The following ZDBF2 variants were observed in gnomAD, a reference collection of about 807,000 sequenced individuals.
ZDBF2 encodes DBF4-type zinc finger-containing protein 2.
ZDBF2 carries 6 observed loss-of-function variants against 9.4 expected under a neutral mutation model. That is an observed-to-expected ratio of 0.64 (90% CI 0.35 to 1.27). The LOEUF (loss-of-function observed/expected upper bound fraction) is 1.27, where lower values mean the gene tolerates loss of function less well. Ranked by LOEUF, ZDBF2 falls within the 50% of genes most tolerant of loss-of-function variation. The pLI is 0.03. For missense variants in ZDBF2, 2,697 were observed against 2,766.8 expected, an observed-to-expected ratio of 0.97 and a Z score of 0.57; for synonymous variants, 905 against 946.3, an observed-to-expected ratio of 0.96 and a Z score of 0.80.
rs1693264294 is a variant in ZDBF2, at chr2:206,312,982, T to TAAA, written c.*1390_*1391insAAA. ...ATACTCAGAATAGATCCAGAACCTT[T>TAAA]ATTCAGGGACACTGGTTGAGTTGGT... is the stretch of plus-strand genomic sequence containing the variant. On this transcript the variant is annotated 3_prime_UTR_variant, in exon 5 of 5. Coordinates refer to ENST00000374423, the MANE Select transcript of ZDBF2 (RefSeq NM_020923.3). 6.6e-6 allele frequency: 1 copy of TAAA among 152,202 alleles called. No individual in the cohort carries two copies. 9.4% of individuals were successfully genotyped at this position (152,202 alleles called of 1,614,324 possible). A position where few individuals can be genotyped will look rare whatever the true frequency, so the allele number is the denominator to read the frequency against.
In ZDBF2 at chr2:206,305,076, T is replaced by C. The variant is rs1692703589; in HGVS notation, c.548T>C (p.Ile183Thr). The C allele has an allele frequency of 1.9e-6, 3 of 1,613,852 alleles. No homozygotes were observed. Among genetic ancestry groups the C allele is most frequent in the Non-Finnish European group, 2.5e-6 (3 of 1,179,812 alleles). ...NRSNLVRPPV[I>T]CNAPASCLPE... Reference sequence around the variant, plus strand: ...AGCAACTTGGTACGCCCCCCAGTGATTTGTAATGCTCCTGCTAGTTGTTTA... The same window carrying C: ...AGCAACTTGGTACGCCCCCCAGTGACTTGTAATGCTCCTGCTAGTTGTTTA... Residue 183 changes from isoleucine (I) to threonine (T), a missense_variant, in exon 5 of 5, where the codon ATT becomes ACT. Coordinates refer to ENST00000374423, the MANE Select transcript of ZDBF2 (RefSeq NM_020923.3).
chr2:206,306,752 A>G lies in ZDBF2; in HGVS notation c.2224A>G (p.Ser742Gly). The G allele has an allele frequency of 6.2e-7, 1 of 1,613,804 alleles. No individual in the cohort carries two copies. Among genetic ancestry groups the G allele is most frequent in the Non-Finnish European group, 8.5e-7 (1 of 1,179,792 alleles). Residue 742 changes from serine to glycine, a missense_variant, in exon 5 of 5, where the codon AGC (serine) becomes GGC (glycine). By Grantham distance (56) the Ser-to-Gly change is moderately conservative (BLOSUM62 0). This residue lies in a region of ZDBF2 where 910 missense variants were observed against 973.6 expected (regional missense o/e 0.93). Coordinates refer to ENST00000374423, the MANE Select transcript of ZDBF2 (RefSeq NM_020923.3). ...KELNIDMEVR[S>G]YDCSSSELTF... is the part of the protein sequence containing the mutation. ...GTTAAATATTGACATGGAAGTTAGG[A>G]GCTATGATTGCTCCAGCTCTGAGTT... is the stretch of plus-strand genomic sequence containing the variant.
Position 206,306,160 on chromosome 2 carries a change from C to G in ZDBF2, c.1632C>G (p.Phe544Leu). Residue 544 changes from phenylalanine to leucine, a missense_variant, in exon 5 of 5, where the codon TTC becomes TTG. Physicochemically the swap from Phe to Leu is conservative, Grantham distance 22. Transcript: ENST00000374423. The stretch of plus-strand genomic sequence containing the variant: ...CTGAAGTAAGTGCTGATTCTGTTTT[C>G]CCACTGCAGTCAGTGGTTGACAGAC... Reference protein sequence around the residue: ...SSSEVSADSVFPLQSVVDRPP... With the variant: ...SSSEVSADSVLPLQSVVDRPP... 6.2e-7 allele frequency: 1 copy of G among 1,613,734 alleles called. No individual in the cohort carries two copies. Among genetic ancestry groups the G allele is most frequent in the Non-Finnish European group, 8.5e-7 (1 of 1,179,800 alleles).
chr2:206,297,900 C>T (rs774441182), intron 4 of ZDBF2, among the ~76,000 whole-genome samples: 2 of 152,106 alleles, frequency 1.3e-5, no homozygotes, highest in Non-Finnish European at 2.9e-5. Context: ...AGGCTGGTCT[C>T]GAATTCCCGA....
At position 206,309,272 on chromosome 2, in the gene ZDBF2, G is replaced by A. The variant is rs1035286530; in HGVS notation, c.4744G>A (p.Val1582Ile). 6.2e-7 allele frequency: 1 copy of A among 1,611,386 alleles called. No individual in the cohort carries two copies. Among genetic ancestry groups the A allele is most frequent in the Non-Finnish European group, 8.5e-7 (1 of 1,178,716 alleles). Reference protein sequence around the residue: ...DKSCDFFGSEVRCNCKASTPS... With the variant: ...DKSCDFFGSEIRCNCKASTPS... ...GAGCTGTGACTTTTTTGGTTCTGAA[G>A]TCAGATGTAATTGTAAAGCCTCTAC... The change falls in exon 5 of 5, where the codon GTC becomes ATC. Residue 1582 changes from valine to isoleucine, a missense_variant. Val to Ile is a conservative substitution (Grantham distance 29). Coordinates refer to ENST00000374423, the MANE Select transcript of ZDBF2 (RefSeq NM_020923.3).
Position 206,305,384 on chromosome 2 carries a change from T to G in ZDBF2, c.856T>G (p.Leu286Val). 3.1e-6 allele frequency: 5 copies of G among 1,613,316 alleles called. No homozygotes were observed. The highest frequency in any genetic ancestry group is 2.5e-6 in the Non-Finnish European group (3 of 1,179,578). The change falls in exon 5 of 5, where the codon TTG becomes GTG. Residue 286 changes from leucine to valine, a missense_variant. Leu to Val is a conservative substitution (Grantham distance 32). Around this residue, in one of 3 missense-constraint regions of ZDBF2, gnomAD observed 910 missense variants for 973.6 expected, o/e 0.93. Transcript: ENST00000374423. ...KSQGKTLSAG[L>V]KFHERMGTKG... ...TCAGGGTAAAACTTTATCAGCTGGCTTGAAATTCCATGAACGCATGGGTAC... is the reference window on the plus strand; with the variant it reads ...TCAGGGTAAAACTTTATCAGCTGGCGTGAAATTCCATGAACGCATGGGTAC...
intron 2 of ZDBF2, among the ~76,000 whole-genome samples, chr2:206,281,184 A>T (rs1691298616): frequency 6.6e-6 from 1 of 152,182 alleles, no homozygotes; most frequent in African/African-American, 2.4e-5. Context: ...TTTGTAGAGA[A>T]ATCTAAACAG....
In ZDBF2 at chr2:206,308,473, T is replaced by C. The variant is rs920258637; in HGVS notation, c.3945T>C (p.Val1315=). The change falls in exon 5 of 5, where the codon GTT becomes GTC. Residue 1315 remains valine (V), a synonymous_variant. Coordinates refer to ENST00000374423, the MANE Select transcript of ZDBF2 (RefSeq NM_020923.3). Reference sequence around the variant, plus strand: ...TAAATCTTTTGAGGGAGGAACATGTTTGTCTGGATGATAAGGGCTATGTGC... The same window carrying C: ...TAAATCTTTTGAGGGAGGAACATGTCTGTCTGGATGATAAGGGCTATGTGC... ...KEINLLREEH[V]CLDDKGYVPS... 3.1e-6 allele frequency: 5 copies of C among 1,613,708 alleles called. No individual in the cohort carries two copies. Among genetic ancestry groups the C allele is most frequent in the Non-Finnish European group, 4.2e-6 (5 of 1,179,796 alleles).
intron 1 of ZDBF2, 120 bp from the exon 2 acceptor site, chr2:206,279,420 A>AT (rs1343160274): frequency 6.6e-6 from 1 of 152,008 alleles, no homozygotes; most frequent in Non-Finnish European, 1.5e-5. Flanking sequence ...CAAAGTTAAT[A>AT]TTTTTTCTTA....
Position 206,305,625 on chromosome 2 carries a change from T to C in ZDBF2, c.1097T>C (p.Phe366Ser). ...QKCSVSSEMK[F>S]DCISLQSASD... ...TGCTCAGTGAGTTCTGAAATGAAGTTTGATTGTATCTCTCTTCAGTCAGCA... is the reference window on the plus strand; with the variant it reads ...TGCTCAGTGAGTTCTGAAATGAAGTCTGATTGTATCTCTCTTCAGTCAGCA... Residue 366 changes from phenylalanine to serine, a missense_variant, in exon 5 of 5, where the codon TTT (phenylalanine) becomes TCT (serine). By Grantham distance (155) the Phe-to-Ser change is radical (BLOSUM62 -2). Coordinates refer to ENST00000374423, the MANE Select transcript of ZDBF2 (RefSeq NM_020923.3). 5 of 1,613,802 alleles carry C rather than the reference T, an allele frequency of 3.1e-6. No individual in the cohort carries two copies. The highest frequency in any genetic ancestry group is 4.2e-6 in the Non-Finnish European group (5 of 1,179,814).
rs774366644 is a variant in ZDBF2 at position 206,306,572 on chromosome 2, G to T, written c.2044G>T (p.Val682Leu). ...TGCTCAATTAGCTGACCAGTCTCAAGTAGCCGAAATAGAGCGTCAGAAAGT... is the reference window on the plus strand; with the variant it reads ...TGCTCAATTAGCTGACCAGTCTCAATTAGCCGAAATAGAGCGTCAGAAAGT... ...ADAQLADQSQVAEIERQKVDV... is the reference protein window; with the variant it reads ...ADAQLADQSQLAEIERQKVDV... The change falls in exon 5 of 5, where the codon GTA becomes TTA. Residue 682 changes from valine to leucine, a missense_variant. Physicochemically the swap from Val to Leu is conservative, Grantham distance 32 (BLOSUM62 1). Around this residue, in one of 3 missense-constraint regions of ZDBF2, gnomAD observed 910 missense variants for 973.6 expected, o/e 0.93. Transcript: ENST00000374423. The T allele has an allele frequency of 2.5e-6, 4 of 1,613,658 alleles. No homozygotes were observed. The highest frequency in any genetic ancestry group is 3.4e-6 in the Non-Finnish European group (4 of 1,179,760).
rs1330790711 is a variant in ZDBF2, at chr2:206,309,548, C to T, written c.5020C>T (p.His1674Tyr). 5 of 1,613,882 alleles carry T rather than the reference C, an allele frequency of 3.1e-6. No homozygotes were observed. The highest frequency in any genetic ancestry group is 3.4e-6 in the Non-Finnish European group (4 of 1,179,912). Residue 1674 changes from histidine to tyrosine, a missense_variant, in exon 5 of 5, where the codon CAT (histidine) becomes TAT (tyrosine). This residue lies in a region of ZDBF2 where 1,783 missense variants were observed against 1,776.5 expected (regional missense o/e 1.00). Coordinates refer to ENST00000374423, the MANE Select transcript of ZDBF2 (RefSeq NM_020923.3). ...KGKFNLEDTS[H>Y]RTTHRLQKAH... ...AAAATTTAATTTGGAAGACACTTCT[C>T]ATCGAACGACTCACCGACTGCAGAA...
rs1314163387 is a variant in ZDBF2 at position 206,306,285 on chromosome 2, A to G, written c.1757A>G (p.Asp586Gly). The change falls in exon 5 of 5, where the codon GAT (aspartate) becomes GGT (glycine). Residue 586 changes from aspartate to glycine, a missense_variant. Transcript: ENST00000374423. The stretch of plus-strand genomic sequence containing the variant: ...TGTTCTGAAACAAGTTTTGATTGTG[A>G]TGTTTCTCTTGAGTCAGTAGTTGAT... ...SSCSETSFDC[D>G]VSLESVVDHP... 4 of 1,613,536 alleles carry G rather than the reference A, an allele frequency of 2.5e-6. No homozygotes were observed. In the East Asian group the frequency reaches 6.7e-5, roughly 27 times the overall value.
rs2105787536 is a variant in ZDBF2 at position 206,312,965 on chromosome 2, A to G, written c.*1372A>G. 1.3e-5 allele frequency: 2 copies of G among 152,350 alleles called. No individual in the cohort carries two copies. The highest frequency in any genetic ancestry group is 6.8e-3 in the Middle Eastern group (2 of 294). The allele number at this position is 152,350 out of a possible 1,614,324, so 9.4% of individuals were successfully genotyped here. ...TGCAGTTTGAGTCTGGGATACTCAG[A>G]ATAGATCCAGAACCTTTATTCAGGG... On this transcript the variant is annotated 3_prime_UTR_variant, in exon 5 of 5. Coordinates refer to ENST00000374423, the MANE Select transcript of ZDBF2 (RefSeq NM_020923.3).
chr2:206,279,344 C>T (rs1191089454), intron 1 of ZDBF2, among the ~76,000 whole-genome samples, 196 bp from the exon 2 acceptor site: 1 of 152,026 alleles, frequency 6.6e-6, no homozygotes, highest in Non-Finnish European at 1.5e-5. Flanking sequence ...ACAGTCACTG[C>T]GCCAGAACTT....
At chr2:206,291,820 T>C (rs1225251106) in intron 3 of ZDBF2, among the ~76,000 whole-genome samples, 2 of 152,164 alleles carry the variant, frequency 1.3e-5, no homozygotes, top group Admixed American at 1.3e-4. Flanking sequence ...TTTCAAGGCT[T>C]TGGAGAACTG....
At chr2:206,276,458 C>T (rs1034019902) in intron 1 of ZDBF2, among the ~76,000 whole-genome samples, 2 of 152,170 alleles carry the variant, frequency 1.3e-5, no homozygotes, top group Non-Finnish European at 2.9e-5. Flanking sequence ...TTAAACTAGA[C>T]ATTAGTTTTA....
Position 206,307,554 on chromosome 2 carries a change from A to AAAT in ZDBF2, c.3026_3027insAAT (p.Tyr1009delinsTer), listed in dbSNP as rs765802702. 3 of 1,613,694 alleles carry AAAT rather than the reference A, an allele frequency of 1.9e-6. No homozygotes were observed. Among genetic ancestry groups the AAAT allele is most frequent in the Non-Finnish European group, 2.5e-6 (3 of 1,179,768 alleles). ...AGTTTAGATTCTGGTGTCCCTCATT[A>AAAT]TTCAGTAACTGAACCTCAAGTAGCT... On this transcript the variant is annotated stop_gained, in exon 5 of 5. Coordinates refer to ENST00000374423, the MANE Select transcript of ZDBF2 (RefSeq NM_020923.3). LOFTEE classifies it low-confidence loss of function (END_TRUNC).
At chr2:206,304,558 C>T (rs1465117455) in intron 4 of ZDBF2, among the ~76,000 whole-genome samples, 159 bp from the exon 5 acceptor site, 3 of 152,216 alleles carry the variant, frequency 2.0e-5, no homozygotes, top group African/African-American at 4.8e-5. Context: ...AATTCCCCCT[C>T]TGTGGTCCAT....
Sources: allele counts gnomAD v4.1 joint callset (sites outside exome capture counted in the v4.1 genomes callset), GRCh38; gene constraint gnomAD v4.1.1; regional missense constraint gnomAD v4.1.1; transcripts MANE v1.5; gene names NCBI Gene and HGNC (gene_info 2026-07-23, HGNC 2026-07-21).